Variants in LAMA1 observed in about 807,000 individuals in gnomAD.
The protein encoded by LAMA1 is laminin subunit alpha-1.
LAMA1 carries 219 observed loss-of-function variants against 348.7 expected under a neutral mutation model. The observed-to-expected ratio is 0.63, with a 90% CI of 0.56 to 0.70. LAMA1 has a LOEUF of 0.70. LAMA1 is among the 30% of genes least tolerant of loss of function. The probability of loss-of-function intolerance (pLI) is 0.00; values close to 1 mark genes in which losing one functional copy is unlikely to be tolerated. For synonymous variants in LAMA1, 1,487 were observed against 1,491.0 expected, an observed-to-expected ratio of 1.00 and a Z score of 0.06; for missense variants, 3,744 against 3,888.0, an observed-to-expected ratio of 0.96 and a Z score of 0.99.
chr18:7,097,390 T>C (rs912135072), intron 1 of LAMA1, among the ~76,000 whole-genome samples: 2 of 152,052 alleles, frequency 1.3e-5, no homozygotes, highest in Non-Finnish European at 2.9e-5. Flanking sequence ...TTTAAATGAA[T>C]GAAAAGATAT....
intron 1 of LAMA1, among the ~76,000 whole-genome samples, chr18:7,101,867 G>T (rs1221269386): frequency 6.6e-6 from 1 of 150,776 alleles, no homozygotes; most frequent in Non-Finnish European, 1.5e-5. Flanking sequence ...GTAGAGCTGG[G>T]GGGGTCTCCC....
At chr18:7,093,226 C>T (rs990826385) in intron 1 of LAMA1, among the ~76,000 whole-genome samples, 4 of 152,152 alleles carry the variant, frequency 2.6e-5, no homozygotes, top group Non-Finnish European at 5.9e-5. Context: ...ACCATCCTGG[C>T]TAACACGGTG....
intron 3 of LAMA1, among the ~76,000 whole-genome samples, chr18:7,075,637 C>G (rs1043836555): frequency 6.8e-6 from 1 of 146,492 alleles, no homozygotes; most frequent in Non-Finnish European, 1.5e-5. Context: ...AAAAAAATAA[C>G]GGAAGAAAGA....
intron 3 of LAMA1, among the ~76,000 whole-genome samples, chr18:7,055,298 C>A (rs1339160589): frequency 3.3e-5 from 5 of 151,356 alleles, no homozygotes; most frequent in Admixed American, 2.0e-4. Context: ...TAAAAAAATA[C>A]AAAAATTAGC....
intron 19 of LAMA1, among the ~76,000 whole-genome samples, chr18:7,017,602 T>G (rs2144128753): frequency 6.6e-6 from 1 of 152,306 alleles, no homozygotes; most frequent in African/African-American, 2.4e-5. Context: ...GAAAAACACA[T>G]TGAAGCTATT....
intron 50 of LAMA1, among the ~76,000 whole-genome samples, chr18:6,965,066 T>C (rs571020136): frequency 6.6e-6 from 1 of 152,320 alleles, no homozygotes; most frequent in East Asian, 1.9e-4. Flanking sequence ...CAGCATTTAC[T>C]GTTAAATAAC....
At chr18:6,976,707 A>G (rs1478417280) in intron 44 of LAMA1, among the ~76,000 whole-genome samples, 3 of 151,956 alleles carry the variant, frequency 2.0e-5, no homozygotes, top group African/African-American at 7.3e-5. Flanking sequence ...CCTAGGCTTG[A>G]GCAATCCTCC....
intron 1 of LAMA1, among the ~76,000 whole-genome samples, chr18:7,106,516 C>T (rs187536141): frequency 5.9e-4 from 90 of 152,146 alleles, no homozygotes; most frequent in South Asian, 5.2e-3. Flanking sequence ...TGCACCACCA[C>T]TCCCAGCTAA....
At position 7,044,743 on chromosome 18, in the gene LAMA1, A is replaced by G; in HGVS notation, c.955T>C (p.Ser319Pro). The G allele has an allele frequency of 6.2e-7, 1 of 1,614,044 alleles. No homozygotes were observed. Among genetic ancestry groups the G allele is most frequent in the South Asian group, 1.1e-5 (1 of 91,074 alleles). Residue 319 changes from serine to proline, a missense_variant, in exon 7 of 63, where the codon TCC (serine) becomes CCC (proline). Transcript: ENST00000389658. ...TGACCTTCACATGTATTGCCGGAGG[A>G]CACGGTTCCCGGCCTCCAGGGCTGC... ...HQQPWRPGTV[S>P]SGNTCEACNC...
At chr18:7,064,032 C>A (rs1893446825) in intron 3 of LAMA1, among the ~76,000 whole-genome samples, 1 of 152,094 alleles carries the variant, frequency 6.6e-6, no homozygotes, top group South Asian at 2.1e-4. Flanking sequence ...TCCCACCTGG[C>A]TCCCCCTGCT....
At chr18:7,038,612 T>C (rs917008666) in intron 11 of LAMA1, 198 bp downstream of exon 11, 37 of 697,064 alleles carry the variant, frequency 5.3e-5, no homozygotes, top group Non-Finnish European at 8.6e-5. Flanking sequence ...CATAGAGAAA[T>C]GTGTGTGGGA....
Position 7,032,009 on chromosome 18 carries a change from A to G in LAMA1, c.2274+57T>C, listed in dbSNP as rs538453485. 4.0e-4 allele frequency: 569 copies of G among 1,420,412 alleles called. 3 individuals carry two copies. The highest frequency in any genetic ancestry group is 1.4e-3 in the South Asian group (122 of 86,596). 88.0% of individuals were successfully genotyped at this position (1,420,412 alleles called of 1,614,324 possible). ...ACTTAAAAAAAAATCACTTGTACAC[A>G]GCAAATGGCTCTGAATTGAGGAGGA... On this transcript the variant is annotated intron_variant, in intron 16 of 62. Coordinates refer to ENST00000389658, the MANE Select transcript of LAMA1 (RefSeq NM_005559.4).
intron 59 of LAMA1, 130 bp downstream of exon 59, chr18:6,948,971 G>A: frequency 1.6e-6 from 2 of 1,218,180 alleles, no homozygotes; most frequent in Non-Finnish European, 2.3e-6. Context: ...TGCCTGCAAA[G>A]TAAACCTCTT....
At position 6,958,616 on chromosome 18, in the gene LAMA1, A is replaced by T; in HGVS notation, c.7825T>A (p.Leu2609Met). 2 of 1,614,178 alleles carry T rather than the reference A, an allele frequency of 1.2e-6. No individual in the cohort carries two copies. The highest frequency in any genetic ancestry group is 1.7e-6 in the Non-Finnish European group (2 of 1,180,006). Residue 2609 changes from leucine to methionine, a missense_variant, in exon 55 of 63, where the codon TTG becomes ATG. Coordinates refer to ENST00000389658, the MANE Select transcript of LAMA1 (RefSeq NM_005559.4). ...GTCCTGCTTTCTACTAATGTGCCCAACTTCATTTCCACAGGATTGTTCTCA... is the reference window on the plus strand; with the variant it reads ...GTCCTGCTTTCTACTAATGTGCCCATCTTCATTTCCACAGGATTGTTCTCA... ...LDENNPVEMK[L>M]GTLVESRTIN...
At chr18:7,019,289 C>G (rs567364769) in intron 19 of LAMA1, among the ~76,000 whole-genome samples, 1 of 152,258 alleles carries the variant, frequency 6.6e-6, no homozygotes, top group South Asian at 2.1e-4. Context: ...CGTGACCTCC[C>G]TCTCCCTTTT....
chr18:7,025,639 G>A (rs2057939090), intron 17 of LAMA1, among the ~76,000 whole-genome samples: 1 of 152,168 alleles, frequency 6.6e-6, no homozygotes, highest in African/African-American at 2.4e-5. Context: ...CCTAAGTCGA[G>A]GGACAATGTT....
At chr18:7,098,201 A>G (rs1289883684) in intron 1 of LAMA1, among the ~76,000 whole-genome samples, 1 of 151,510 alleles carries the variant, frequency 6.6e-6, no homozygotes, top group Non-Finnish European at 1.5e-5. Flanking sequence ...GCTCGCTACA[A>G]CCTCCACCTC....
intron 1 of LAMA1, among the ~76,000 whole-genome samples, chr18:7,081,102 G>A (rs981028016): frequency 2.0e-5 from 3 of 152,076 alleles, no homozygotes; most frequent in Admixed American, 2.0e-4. Context: ...TTCAGCCGCT[G>A]TGGAGATTGT....
intron 39 of LAMA1, among the ~76,000 whole-genome samples, chr18:6,983,923 C>T (rs2057723131): frequency 6.6e-6 from 1 of 152,122 alleles, no homozygotes; most frequent in Non-Finnish European, 1.5e-5. Context: ...AATTCCCAGA[C>T]CGAATATTAG....
Sources: allele counts gnomAD v4.1 joint callset (sites outside exome capture counted in the v4.1 genomes callset), GRCh38; gene constraint gnomAD v4.1.1; transcripts MANE v1.5; gene names NCBI Gene and HGNC (gene_info 2026-07-23, HGNC 2026-07-21).